The following BRIP1 variants were observed in gnomAD, a reference collection of about 807,000 sequenced individuals.
BRIP1 encodes the protein Fanconi anemia group J protein.
A neutral mutation model predicts 119.7 loss-of-function variants in BRIP1; 88 were observed. That is an observed-to-expected ratio of 0.74 (90% confidence interval 0.62 to 0.88). The LOEUF (loss-of-function observed/expected upper bound fraction) is 0.88. Ranked by LOEUF, BRIP1 falls within the 40% of genes least tolerant of loss-of-function variation. The pLI is 0.00. For synonymous variants in BRIP1, 443 were observed against 496.5 expected (o/e 0.89, Z 1.43); for missense variants, 1,259 against 1,455.4 (o/e 0.87, Z 2.20).
chr17:61,858,146 T>C (rs199744493), intron 3 of BRIP1, among the ~76,000 whole-genome samples: 2 of 152,284 alleles, frequency 1.3e-5, no homozygotes, highest in South Asian at 4.1e-4. Flanking sequence ...TGTGCCTACA[T>C]TGTATACAAA....
rs2061686666 is a variant in BRIP1, at chr17:61,706,110, T to G, written c.2492+9841A>C. ...ACCCTGTTTTGGGGTGCATACACAT[T>G]TATGATTCTTATGTCTTCTTGGTGA... On this transcript the variant is annotated intron_variant, in intron 17 of 19. Transcript: ENST00000259008. This position sits in a 1 kb window ranked among gnomAD's most constrained non-coding sequence, Gnocchi z 5.7. Among the ~76,000 whole-genome samples the G allele has an allele frequency of 6.6e-6, 1 of 152,226 alleles. No individual in the cohort carries two copies. Among genetic ancestry groups the G allele is most frequent in the Non-Finnish European group, 1.5e-5 (1 of 68,014 alleles).
chr17:61,809,049 T>A lies in BRIP1; in HGVS notation c.628-292A>T, dbSNP rs777582006. The stretch of plus-strand genomic sequence containing the variant: ...TTTTGAGTACATTTTAACTCTCCTC[T>A]TTCATAAATTATAAAAATGATAAAA... On this transcript the variant is annotated intron_variant, in intron 6 of 19. Transcript: ENST00000259008. The surrounding 1 kb of genome is among the most constrained non-coding windows in gnomAD (Gnocchi z 5.2). Among the ~76,000 whole-genome samples the A allele has an allele frequency of 6.6e-6, 1 of 152,188 alleles. No homozygotes were observed. Among genetic ancestry groups the A allele is most frequent in the African/African-American group, 2.4e-5 (1 of 41,452 alleles).
rs1406826941 is a variant in BRIP1, at chr17:61,847,252, G to A, written c.508-32C>T. On this transcript the variant is annotated intron_variant, in intron 5 of 19. Coordinates refer to ENST00000259008, the MANE Select transcript of BRIP1 (RefSeq NM_032043.3). ...ACACAGAACCAAAATGAAGTTTAAG[G>A]TGAACTAGAAGTTTAACTGGCTAGT... The A allele has an allele frequency of 3.7e-6, 6 of 1,611,762 alleles. No individual in the cohort carries two copies. The African/African-American group carries it at 5.3e-5, about 14-fold the overall frequency.
At chr17:61,782,388 G>GAAAGA (rs1555603072) in intron 11 of BRIP1, among the ~76,000 whole-genome samples, 11 of 113,054 alleles carry the variant, frequency 9.7e-5, no homozygotes, top group Non-Finnish European at 1.5e-4. Context: ...TCCCGTCTCA[G>GAAAGA]AAAAAAAAAA....
intron 6 of BRIP1, among the ~76,000 whole-genome samples, chr17:61,838,084 G>A (rs2078601165): frequency 6.6e-6 from 1 of 152,118 alleles, no homozygotes; most frequent in African/African-American, 2.4e-5. Context: ...TTTGTCAAAA[G>A]TAATGCAACT....
At position 61,815,103 on chromosome 17, in the gene BRIP1, T is replaced by C. The variant is rs2078217137; in HGVS notation, c.628-6346A>G. On this transcript the variant is annotated intron_variant, in intron 6 of 19. Coordinates refer to ENST00000259008, the MANE Select transcript of BRIP1 (RefSeq NM_032043.3). This position sits in a 1 kb window ranked among gnomAD's most constrained non-coding sequence, Gnocchi z 4.1. The stretch of plus-strand genomic sequence containing the variant: ...CATGAAAAACATACCTGAAAAATGC[T>C]AGAAGTGCTGGAAAAAAAAAAAAAA... Among the ~76,000 whole-genome samples the C allele has an allele frequency of 8.6e-6, 1 of 116,786 alleles. No homozygotes were observed. Among genetic ancestry groups the C allele is most frequent in the Non-Finnish European group, 1.7e-5 (1 of 57,774 alleles). 76.6% of individuals were successfully genotyped at this position (116,786 alleles called of 152,430 possible). A position where few individuals can be genotyped will look rare whatever the true frequency, so the allele number is the denominator to read the frequency against.
At position 61,816,411 on chromosome 17, in the gene BRIP1, C is replaced by T. The variant is rs1214580646; in HGVS notation, c.628-7654G>A. On this transcript the variant is annotated intron_variant, in intron 6 of 19. Coordinates refer to ENST00000259008, the MANE Select transcript of BRIP1 (RefSeq NM_032043.3). This position sits in a 1 kb window ranked among gnomAD's most constrained non-coding sequence, Gnocchi z 5.0. Reference sequence around the variant, plus strand: ...AAGCAATATGTTAAACTGCAGTGGGCTAGCACATTAAGACAGATCCTTTTC... The same window carrying T: ...AAGCAATATGTTAAACTGCAGTGGGTTAGCACATTAAGACAGATCCTTTTC... Among the ~76,000 whole-genome samples, 2 of 152,184 alleles carry T rather than the reference C, an allele frequency of 1.3e-5. No homozygotes were observed. Among genetic ancestry groups the T allele is most frequent in the African/African-American group, 4.8e-5 (2 of 41,458 alleles).
At chr17:61,707,232 G>T (rs974594556) in intron 17 of BRIP1, among the ~76,000 whole-genome samples, 2 of 151,390 alleles carry the variant, frequency 1.3e-5, no homozygotes, top group Admixed American at 6.6e-5. Context: ...CTATTTTTTT[G>T]GTTTCAGTGT....
intron 3 of BRIP1, among the ~76,000 whole-genome samples, chr17:61,858,575 G>T (rs946619230): frequency 6.6e-6 from 1 of 152,074 alleles, no homozygotes; most frequent in African/African-American, 2.4e-5. Context: ...GTTTCTCCAC[G>T]TTGGTCTGGC....
rs1331755620 is a variant in BRIP1, at chr17:61,691,266, C to G, written c.2575+2164G>C. ...AAATAAAAATTAAAATAAAAAAACT[C>G]AAACCAGGGAAAAAAAATAGCATCA... On this transcript the variant is annotated intron_variant, in intron 18 of 19. Coordinates refer to ENST00000259008, the MANE Select transcript of BRIP1 (RefSeq NM_032043.3). This position sits in a 1 kb window ranked among gnomAD's most constrained non-coding sequence, Gnocchi z 5.0. 6.6e-6 allele frequency among the ~76,000 whole-genome samples: 1 copy of G among 151,248 alleles called. No homozygotes were observed. The highest frequency in any genetic ancestry group is 2.4e-5 in the African/African-American group (1 of 41,264).
rs898725352 is a variant in BRIP1, at chr17:61,801,576, G to A, written c.919-102C>T. 5.9e-5 allele frequency: 69 copies of A among 1,168,566 alleles called. No homozygotes were observed. The Admixed American group carries it at 1.1e-3, about 18-fold the overall frequency. 72.4% of individuals were successfully genotyped at this position (1,168,566 alleles called of 1,614,324 possible). A position where few individuals can be genotyped will look rare whatever the true frequency, so the allele number is the denominator to read the frequency against. ...TGAGGAACATCATTAAAGCCACAAG[G>A]CTAAGATTTTACTGGCTACGCCACC... On this transcript the variant is annotated intron_variant, in intron 7 of 19. Coordinates refer to ENST00000259008, the MANE Select transcript of BRIP1 (RefSeq NM_032043.3).
intron 6 of BRIP1, among the ~76,000 whole-genome samples, chr17:61,839,889 G>A (rs557434101): frequency 3.3e-5 from 5 of 152,058 alleles, no homozygotes; most frequent in East Asian, 1.9e-4. Flanking sequence ...TTTTACCAAT[G>A]AGCAGACCAT....
In BRIP1 at chr17:61,856,910, CT is replaced by C; in HGVS notation, c.379+147del. 1.3e-6 allele frequency: 1 copy of C among 787,478 alleles called. No homozygotes were observed. Among genetic ancestry groups the C allele is most frequent in the Middle Eastern group, 3.7e-4 (1 of 2,722 alleles). 48.8% of individuals were successfully genotyped at this position (787,478 alleles called of 1,614,324 possible). Reference sequence around the variant, plus strand: ...AAACGTCTATGGATTTTTGACCACTCTGTGCTATTTTAAAATCATTCCAGAG... The same window carrying C: ...AAACGTCTATGGATTTTTGACCACTCGTGCTATTTTAAAATCATTCCAGAG... On this transcript the variant is annotated intron_variant, in intron 4 of 19. Coordinates refer to ENST00000259008, the MANE Select transcript of BRIP1 (RefSeq NM_032043.3). This position sits in a 1 kb window ranked among gnomAD's most constrained non-coding sequence, Gnocchi z 5.1.
chr17:61,707,285 G>T (rs1287119574), intron 17 of BRIP1, among the ~76,000 whole-genome samples: 1 of 151,854 alleles, frequency 6.6e-6, no homozygotes, highest in Non-Finnish European at 1.5e-5. Flanking sequence ...TCTATCTTTT[G>T]TAAGATAGAG....
intron 3 of BRIP1, among the ~76,000 whole-genome samples, chr17:61,858,992 T>C (rs1039890029): frequency 6.6e-6 from 1 of 150,954 alleles, no homozygotes; most frequent in African/African-American, 2.4e-5. Flanking sequence ...GCCTGGGAGT[T>C]TGAGGTTACA....
At position 61,743,998 on chromosome 17, in the gene BRIP1, T is replaced by A. The variant is rs576753230; in HGVS notation, c.2257+434A>T. ...CACCACGCCCGGCCTCACATCAAAC[T>A]CTTCATGGATATGCTCTAACTTGGA... On this transcript the variant is annotated intron_variant, in intron 15 of 19. Transcript: ENST00000259008. The surrounding 1 kb of genome is among the most constrained non-coding windows in gnomAD (Gnocchi z 4.3). 6.6e-6 allele frequency among the ~76,000 whole-genome samples: 1 copy of A among 152,316 alleles called. No homozygotes were observed. The highest frequency in any genetic ancestry group is 1.5e-5 in the Non-Finnish European group (1 of 68,032).
chr17:61,794,410 G>C lies in BRIP1; in HGVS notation c.1341-681C>G, dbSNP rs1286236611. Among the ~76,000 whole-genome samples the C allele has an allele frequency of 6.6e-6, 1 of 151,994 alleles. No homozygotes were observed. Among genetic ancestry groups the C allele is most frequent in the East Asian group, 1.9e-4 (1 of 5,196 alleles). On this transcript the variant is annotated intron_variant, in intron 9 of 19. Transcript: ENST00000259008. The surrounding 1 kb of genome is among the most constrained non-coding windows in gnomAD (Gnocchi z 4.3). ...CTTTACGGGAACATAGATGGAGCTG[G>C]AGATCATATCCTTAGCAAACTAATG...
At position 61,848,984 on chromosome 17, in the gene BRIP1, T is replaced by G; in HGVS notation, c.507+145A>C. The G allele has an allele frequency of 1.1e-6, 1 of 948,892 alleles. No individual in the cohort carries two copies. Among genetic ancestry groups the G allele is most frequent in the Non-Finnish European group, 1.6e-6 (1 of 612,492 alleles). 58.8% of individuals were successfully genotyped at this position (948,892 alleles called of 1,614,324 possible). ...TAAACTCCTTTGTAACAAGTAACTC[T>G]ACAAAATGAAATTACAACAAATTAT... is the stretch of plus-strand genomic sequence containing the variant. On this transcript the variant is annotated intron_variant, in intron 5 of 19. Transcript: ENST00000259008. The surrounding 1 kb of genome is among the most constrained non-coding windows in gnomAD (Gnocchi z 4.3).
chr17:61,854,317 C>T (rs1046053806), intron 4 of BRIP1, among the ~76,000 whole-genome samples: 3 of 151,840 alleles, frequency 2.0e-5, no homozygotes, highest in African/African-American at 7.3e-5. Flanking sequence ...ACTGACCATA[C>T]CAAGGGTTCA....
Sources: gnomAD v4.1 joint callset for allele counts (sites outside exome capture counted in the v4.1 genomes callset) on GRCh38, gnomAD v4.1.1 for gene constraint, Gnocchi (gnomAD v3.1) non-coding constraint, MANE v1.5 for transcripts, NCBI Gene and HGNC (gene_info 2026-07-23, HGNC 2026-07-21) for gene names.